Variants in SCGN observed in about 807,000 individuals in gnomAD.
The protein encoded by SCGN is secretagogin, EF-hand calcium binding protein.
SCGN carries 30 observed loss-of-function variants against 39.7 expected under a neutral mutation model. The ratio of observed to expected loss-of-function variants is 0.76; its 90% confidence interval spans 0.57 to 1.03. SCGN has a LOEUF of 1.03. SCGN is among the 50% of genes least tolerant of loss of function. The probability of loss-of-function intolerance (pLI) is 0.00; values close to 1 mark genes in which losing one functional copy is unlikely to be tolerated. For synonymous variants in SCGN, 106 were observed against 114.1 expected (o/e 0.93, Z 0.45); for missense variants, 353 against 349.4 (o/e 1.01, Z -0.08).
At chr6:25,677,914 A>G (rs1362482071) in intron 6 of SCGN, among the ~76,000 whole-genome samples, 1 of 152,228 alleles carries the variant, frequency 6.6e-6, no homozygotes, top group Non-Finnish European at 1.5e-5. Context: ...GAAAATATCT[A>G]TTGACAGGAA....
At position 25,654,020 on chromosome 6, in the gene SCGN, T is replaced by A. The variant is rs562325398; in HGVS notation, c.153+568T>A. ...TAGTGTCCATCTGATGGTAAATATG[T>A]CCTTGGGAGATGTAAATGAACTCTT... On this transcript the variant is annotated intron_variant, in intron 2 of 10. Coordinates refer to ENST00000377961, the MANE Select transcript of SCGN (RefSeq NM_006998.4). 6.6e-5 allele frequency among the ~76,000 whole-genome samples: 10 copies of A among 152,214 alleles called. No homozygotes were observed. The South Asian group carries it at 1.9e-3, about 28-fold the overall frequency.
intron 6 of SCGN, among the ~76,000 whole-genome samples, chr6:25,678,132 C>A (rs1041449177): frequency 6.6e-6 from 1 of 152,080 alleles, no homozygotes; most frequent in African/African-American, 2.4e-5. Flanking sequence ...TTTCTGGGAG[C>A]CTTTATAGCA....
chr6:25,675,855 C>T (rs893473249), intron 6 of SCGN, among the ~76,000 whole-genome samples: 20 of 152,226 alleles, frequency 1.3e-4, no homozygotes, highest in Non-Finnish European at 7.3e-5. Flanking sequence ...ACTAGTCTCA[C>T]GGTTTTGAAG....
At chr6:25,669,284 C>T (rs1759458348) in intron 4 of SCGN, among the ~76,000 whole-genome samples, 1 of 152,146 alleles carries the variant, frequency 6.6e-6, no homozygotes, top group South Asian at 2.1e-4. Context: ...TGGGCTTTCA[C>T]TGAAACCATT....
chr6:25,661,772 G>T, intron 3 of SCGN, 128 bp downstream of exon 3: 1 of 624,838 alleles, frequency 1.6e-6, no homozygotes, highest in Non-Finnish European at 2.7e-6. Flanking sequence ...GGAAATTAGA[G>T]ATTTCTGAAA....
At chr6:25,653,503 A>C (rs774531382) in intron 2 of SCGN, 51 bp downstream of exon 2, 1 of 1,328,478 alleles carries the variant, frequency 7.5e-7, no homozygotes, top group South Asian at 1.2e-5. Flanking sequence ...TAAGATACGC[A>C]CATCCAAGTC....
intron 2 of SCGN, among the ~76,000 whole-genome samples, chr6:25,660,333 G>C (rs1760315488): frequency 1.3e-5 from 2 of 152,196 alleles, no homozygotes; most frequent in Admixed American, 1.3e-4. Flanking sequence ...TGGAAAGGAA[G>C]GCTGGACAAA....
At chr6:25,675,025 A>G (rs935391631) in intron 6 of SCGN, among the ~76,000 whole-genome samples, 2 of 152,202 alleles carry the variant, frequency 1.3e-5, no homozygotes, top group African/African-American at 4.8e-5. Flanking sequence ...GAGGTGGTAA[A>G]TTAAAGAAAA....
intron 10 of SCGN, among the ~76,000 whole-genome samples, chr6:25,691,389 C>G (rs1373778318): frequency 6.6e-6 from 1 of 152,206 alleles, no homozygotes; most frequent in Non-Finnish European, 1.5e-5. Flanking sequence ...GAGCACAGTG[C>G]CACTGAATAT....
chr6:25,699,813 T>C (rs1462306989), intron 10 of SCGN, among the ~76,000 whole-genome samples: 1 of 152,066 alleles, frequency 6.6e-6, no homozygotes, highest in Non-Finnish European at 1.5e-5. Context: ...TGAGTCCTGA[T>C]TGGTTAATTT....
chr6:25,655,681 G>T (rs1293773019), intron 2 of SCGN, among the ~76,000 whole-genome samples: 1 of 152,082 alleles, frequency 6.6e-6, no homozygotes, highest in Non-Finnish European at 1.5e-5. Flanking sequence ...TTGTTAAAAT[G>T]CAGACCCCTA....
At chr6:25,688,101 A>T (rs1245751170) in intron 7 of SCGN, among the ~76,000 whole-genome samples, 1 of 152,210 alleles carries the variant, frequency 6.6e-6, no homozygotes, top group Non-Finnish European at 1.5e-5. Flanking sequence ...AAAGCAAAAA[A>T]GTTACACACA....
intron 7 of SCGN, among the ~76,000 whole-genome samples, chr6:25,683,851 A>G (rs1016363799): frequency 6.6e-6 from 1 of 152,226 alleles, no homozygotes; most frequent in African/African-American, 2.4e-5. Flanking sequence ...TTCATATACC[A>G]TGTGGAAAAT....
chr6:25,669,071 A>G (rs1368532930), intron 4 of SCGN, among the ~76,000 whole-genome samples: 1 of 149,774 alleles, frequency 6.7e-6, no homozygotes, highest in Non-Finnish European at 1.5e-5. Context: ...AGATCGCGCC[A>G]CTGCAGTCCA....
At chr6:25,668,031 T>C (rs761230242) in intron 4 of SCGN, among the ~76,000 whole-genome samples, 24 of 152,124 alleles carry the variant, frequency 1.6e-4, no homozygotes, top group Non-Finnish European at 3.1e-4. Flanking sequence ...CTGGAAGGAG[T>C]GATGTTTCTG....
At chr6:25,664,463 A>G (rs1202987296) in intron 3 of SCGN, among the ~76,000 whole-genome samples, 1 of 152,226 alleles carries the variant, frequency 6.6e-6, no homozygotes, top group Non-Finnish European at 1.5e-5. Context: ...ACTAGAAAAT[A>G]ACAGTAATGG....
rs550010825 is a variant in SCGN at position 25,653,334 on chromosome 6, G to A, written c.83-48G>A. ...AACATATTTAGATAAATACTGTCAT[G>A]TGTTTTTTATATGTTAGTATTATTT... On this transcript the variant is annotated intron_variant, in intron 1 of 10. Transcript: ENST00000377961. The A allele has an allele frequency of 6.7e-4, 794 of 1,190,812 alleles. 14 individuals are homozygous for A. In the South Asian group the frequency reaches 8.6e-3, roughly 13 times the overall value. The allele number at this position is 1,190,812 out of a possible 1,614,324, so 73.8% of individuals were successfully genotyped here. A position where few individuals can be genotyped will look rare whatever the true frequency, so the allele number is the denominator to read the frequency against.
intron 3 of SCGN, among the ~76,000 whole-genome samples, chr6:25,664,268 A>T (rs1039761780): frequency 1.3e-5 from 2 of 152,248 alleles, no homozygotes; most frequent in African/African-American, 2.4e-5. Context: ...ACACTCAAGT[A>T]TCAAGCCAGG....
At chr6:25,653,602 G>A (rs1431535802) in intron 2 of SCGN, 150 bp downstream of exon 2, 4 of 600,040 alleles carry the variant, frequency 6.7e-6, no homozygotes, top group Non-Finnish European at 1.2e-5. Flanking sequence ...CAACATAGAG[G>A]GATTTAGGCA....
Sources: gnomAD v4.1 joint callset for allele counts (sites outside exome capture counted in the v4.1 genomes callset) on GRCh38, gnomAD v4.1.1 for gene constraint, MANE v1.5 for transcripts, NCBI Gene and HGNC (gene_info 2026-07-23, HGNC 2026-07-21) for gene names.